Variants in GALNT13 observed in about 807,000 individuals in gnomAD.
GALNT13 encodes polypeptide N-acetylgalactosaminyltransferase 13, also known as UDP-GalNAc:polypeptide N-acetylgalactosaminyltransferase 13.
A neutral mutation model predicts 64.2 loss-of-function variants in GALNT13; 28 were observed. The observed-to-expected ratio is 0.44, with a 90% CI of 0.32 to 0.60. The LOEUF is 0.60. Among genes scored for constraint, GALNT13 ranks in the 20% least tolerant of loss-of-function variants. The probability of loss-of-function intolerance (pLI) is 0.05; values close to 1 mark genes in which losing one functional copy is unlikely to be tolerated. For missense variants in GALNT13, 577 were observed against 669.8 expected (o/e 0.86, Z 1.53); for synonymous variants, 214 against 224.6 (o/e 0.95, Z 0.42).
At chr2:154,113,312 C>T (rs1703093130) in intron 3 of GALNT13, among the ~76,000 whole-genome samples, 1 of 152,194 alleles carries the variant, frequency 6.6e-6, no homozygotes, top group African/African-American at 2.4e-5. Flanking sequence ...GCCCAAGTGG[C>T]AGAGCAGCTT....
the GALNT13 span, among the ~76,000 whole-genome samples, chr2:153,147,672 G>T: frequency 6.6e-6 from 1 of 151,476 alleles, no homozygotes; most frequent in Non-Finnish European, 1.5e-5. Context: ...AGTGTGGGGT[G>T]GTTTTAGAAA....
At chr2:153,463,819 GACAAA>G in the GALNT13 span, among the ~76,000 whole-genome samples, 1 of 152,050 alleles carries the variant, frequency 6.6e-6, no homozygotes, top group Non-Finnish European at 1.5e-5. Flanking sequence ...TAATAGTTGA[GACAAA>G]ACAGTAGTTG....
the GALNT13 span, among the ~76,000 whole-genome samples, chr2:153,588,178 T>G: frequency 6.6e-6 from 1 of 152,168 alleles, no homozygotes; most frequent in East Asian, 1.9e-4. Flanking sequence ...GTGTCTGTGG[T>G]TTTTCCAGGC....
the GALNT13 span, among the ~76,000 whole-genome samples, chr2:153,306,506 A>G: frequency 6.6e-6 from 1 of 152,180 alleles, no homozygotes; most frequent in Non-Finnish European, 1.5e-5. Flanking sequence ...GAGTACATTC[A>G]TATTTACAGT....
chr2:153,841,408 G>C, the GALNT13 span, among the ~76,000 whole-genome samples: 4 of 151,996 alleles, frequency 2.6e-5, no homozygotes, highest in Non-Finnish European at 5.9e-5. Context: ...AGTATGAATG[G>C]GTAGCTAATA....
intron 3 of GALNT13, among the ~76,000 whole-genome samples, chr2:154,119,864 GTACTTTAC>G (rs1681831739): frequency 1.3e-5 from 2 of 151,820 alleles, no homozygotes; most frequent in Non-Finnish European, 2.9e-5. Context: ...ATATATCCTT[GTACTTTAC>G]TGAGCTTTTT....
At chr2:153,797,115 C>A in the GALNT13 span, among the ~76,000 whole-genome samples, 1 of 152,102 alleles carries the variant, frequency 6.6e-6, no homozygotes, top group Non-Finnish European at 1.5e-5. Context: ...AGCACTCAGG[C>A]CACAATTAAT....
intron 10 of GALNT13, among the ~76,000 whole-genome samples, chr2:154,402,521 GC>G (rs1699345129): frequency 6.6e-6 from 1 of 152,212 alleles, no homozygotes; most frequent in South Asian, 2.1e-4. Flanking sequence ...AAAGCAGACA[GC>G]CAATTAAAGT....
chr2:154,089,622 G>A (rs1701701525), intron 3 of GALNT13, among the ~76,000 whole-genome samples: 1 of 151,998 alleles, frequency 6.6e-6, no homozygotes, highest in Non-Finnish European at 1.5e-5. Flanking sequence ...GGACGGATAG[G>A]GAGCCCTATT....
At chr2:153,494,485 G>A in the GALNT13 span, among the ~76,000 whole-genome samples, 8 of 151,940 alleles carry the variant, frequency 5.3e-5, no homozygotes, top group Non-Finnish European at 8.8e-5. Flanking sequence ...TTTTCAGCAA[G>A]TACCCCAAAA....
At chr2:153,467,788 G>C in the GALNT13 span, among the ~76,000 whole-genome samples, 1 of 151,972 alleles carries the variant, frequency 6.6e-6, no homozygotes, top group Admixed American at 6.6e-5. Context: ...TCCATGAACA[G>C]AATTTGAAAA....
intron 3 of GALNT13, among the ~76,000 whole-genome samples, chr2:153,972,701 A>G (rs12622716): frequency 0.18 from 27,967 of 151,908 alleles, 4,766 homozygotes; most frequent in East Asian, 0.75. Flanking sequence ...AATATAAGGA[A>G]ATTTATTGCT....
At chr2:154,382,831 G>A (rs1698336746) in intron 9 of GALNT13, among the ~76,000 whole-genome samples, 1 of 151,208 alleles carries the variant, frequency 6.6e-6, no homozygotes, top group Non-Finnish European at 1.5e-5. Context: ...TTAGTAGTGT[G>A]TCTTAACTGA....
At chr2:154,446,729 G>A in intron 12 of GALNT13, 1 of 1,542,514 alleles carries the variant, frequency 6.5e-7, no homozygotes, top group Non-Finnish European at 8.8e-7. Context: ...ATATTTTTGG[G>A]AATTCTACTG....
the GALNT13 span, among the ~76,000 whole-genome samples, chr2:153,284,197 C>T: frequency 6.6e-6 from 1 of 152,104 alleles, no homozygotes; most frequent in South Asian, 2.1e-4. Flanking sequence ...GCTGGGGCAC[C>T]CAGCAATACA....
At chr2:153,988,694 A>C (rs1212758841) in intron 3 of GALNT13, among the ~76,000 whole-genome samples, 1 of 152,020 alleles carries the variant, frequency 6.6e-6, no homozygotes, top group Non-Finnish European at 1.5e-5. Context: ...GGGCATTGGT[A>C]GCCCTCTTGA....
chr2:154,152,387 G>C (rs1463739641), intron 4 of GALNT13, among the ~76,000 whole-genome samples: 8 of 151,998 alleles, frequency 5.3e-5, no homozygotes, highest in Non-Finnish European at 1.2e-4. Context: ...TTCAGCTTTG[G>C]TGAATCTGAC....
At chr2:154,155,164 G>A (rs2105642497) in intron 4 of GALNT13, among the ~76,000 whole-genome samples, 1 of 152,020 alleles carries the variant, frequency 6.6e-6, no homozygotes, top group South Asian at 2.1e-4. Flanking sequence ...GTGTACCAGA[G>A]ATCAGAAATT....
intron 4 of GALNT13, among the ~76,000 whole-genome samples, chr2:154,147,451 A>G (rs1683682518): frequency 6.6e-6 from 1 of 151,172 alleles, no homozygotes. Flanking sequence ...GTATCAAGGC[A>G]TGATGAAGGA....
Sources: allele counts gnomAD v4.1 joint callset (sites outside exome capture counted in the v4.1 genomes callset), GRCh38; gene constraint gnomAD v4.1.1; transcripts MANE v1.5; gene names NCBI Gene and HGNC (gene_info 2026-07-23, HGNC 2026-07-21).